Variants in HS3ST4 observed in about 807,000 individuals in gnomAD.
The protein encoded by HS3ST4 is heparan sulfate glucosamine 3-O-sulfotransferase 4.
Under a neutral mutation model 29.2 loss-of-function variants are expected in HS3ST4, and 17 were observed. That is an observed-to-expected ratio of 0.58 (90% CI 0.40 to 0.87). HS3ST4 has a LOEUF of 0.87. Among genes scored for constraint, HS3ST4 ranks in the 40% least tolerant of loss-of-function variants. The pLI, the probability that HS3ST4 is intolerant of heterozygous loss-of-function variation, is 0.00. For missense variants in HS3ST4, 627 were observed against 634.5 expected (o/e 0.99, Z 0.13); for synonymous variants, 314 against 285.7 (o/e 1.10, Z -1.00).
chr16:26,109,718 G>GT (rs56102785), intron 1 of HS3ST4, among the ~76,000 whole-genome samples: 8,652 of 147,156 alleles, frequency 0.059, 281 homozygotes, highest in Middle Eastern at 0.099. Flanking sequence ...TATACTCACT[G>GT]TTTTTTTTTT....
At chr16:25,964,431 T>C (rs1968823868) in intron 1 of HS3ST4, among the ~76,000 whole-genome samples, 1 of 152,174 alleles carries the variant, frequency 6.6e-6, no homozygotes, top group Admixed American at 6.5e-5. Context: ...AACCCTCTCA[T>C]CATGAAAGTG....
intron 1 of HS3ST4, among the ~76,000 whole-genome samples, chr16:26,047,560 G>A (rs1898285609): frequency 6.6e-6 from 1 of 152,094 alleles, no homozygotes; most frequent in Admixed American, 6.5e-5. Context: ...TGCTTTCCAG[G>A]TGAGAAGATG....
At chr16:25,849,531 G>T (rs751437901) in intron 1 of HS3ST4, among the ~76,000 whole-genome samples, 2 of 151,882 alleles carry the variant, frequency 1.3e-5, no homozygotes, top group Admixed American at 1.3e-4. Context: ...ACAGGGGCTC[G>T]GTCTATCACC....
At position 26,135,628 on chromosome 16, in the gene HS3ST4, A is replaced by G; in HGVS notation, c.751A>G (p.Thr251Ala). The stretch of plus-strand genomic sequence containing the variant: ...CTCTCCTAGAAATGTGATGCCCAAG[A>G]CTTTGGATGGGCAAATAACCATGGA... ...LEWYRNVMPK[T>A]LDGQITMEKT... The change falls in exon 2 of 2, where the codon ACT becomes GCT. Residue 251 changes from threonine (T) to alanine (A), a missense_variant. Coordinates refer to ENST00000331351, the MANE Select transcript of HS3ST4 (RefSeq NM_006040.3). 1.9e-6 allele frequency: 3 copies of G among 1,604,570 alleles called. No homozygotes were observed. Among genetic ancestry groups the G allele is most frequent in the Non-Finnish European group, 2.6e-6 (3 of 1,175,498 alleles).
chr16:26,046,308 G>A (rs903225801), intron 1 of HS3ST4, among the ~76,000 whole-genome samples: 11 of 152,022 alleles, frequency 7.2e-5, no homozygotes, highest in Non-Finnish European at 1.2e-4. Context: ...TTGCCACCAC[G>A]CCCAGCTAAT....
At chr16:25,766,598 C>G (rs1966820564) in intron 1 of HS3ST4, among the ~76,000 whole-genome samples, 1 of 152,176 alleles carries the variant, frequency 6.6e-6, no homozygotes. Context: ...TGTGTGCACA[C>G]ACATCATTTT....
chr16:25,992,802 G>A (rs879447103), intron 1 of HS3ST4, among the ~76,000 whole-genome samples: 5 of 152,194 alleles, frequency 3.3e-5, no homozygotes, highest in Admixed American at 1.3e-4. Context: ...ATAAATTCGA[G>A]GCTGTGAGGA....
At chr16:25,789,058 C>T (rs758404810) in intron 1 of HS3ST4, among the ~76,000 whole-genome samples, 32 of 152,076 alleles carry the variant, frequency 2.1e-4, no homozygotes, top group Non-Finnish European at 4.6e-4. Flanking sequence ...ATAGAATGCT[C>T]TGATTGATCA....
rs145703346 is a variant in HS3ST4, at chr16:25,698,838, G to T, written c.734+5687G>T. ...TAAACCGAAGGTCACACAACTTCAG[G>T]GCTCAGACAGGTCGTATAAATGAGC... On this transcript the variant is annotated intron_variant, in intron 1 of 1. Coordinates refer to ENST00000331351, the MANE Select transcript of HS3ST4 (RefSeq NM_006040.3). Among the ~76,000 whole-genome samples the T allele has an allele frequency of 5.2e-3, 786 of 152,222 alleles. 6 individuals carry two copies. The highest frequency in any genetic ancestry group is 0.01 in the Middle Eastern group (3 of 294).
intron 1 of HS3ST4, among the ~76,000 whole-genome samples, chr16:26,012,673 C>T (rs539091469): frequency 1.3e-5 from 2 of 152,288 alleles, no homozygotes; most frequent in East Asian, 1.9e-4. Context: ...GTCTCTACCC[C>T]CACATTTCAG....
chr16:26,056,607 T>C (rs1898411731), intron 1 of HS3ST4, among the ~76,000 whole-genome samples: 10 of 152,244 alleles, frequency 6.6e-5, no homozygotes, highest in Admixed American at 6.5e-4. Flanking sequence ...CTTTACCTAA[T>C]GTGTGCACAC....
At chr16:25,745,144 GA>G (rs1349218627) in intron 1 of HS3ST4, among the ~76,000 whole-genome samples, 3 of 152,136 alleles carry the variant, frequency 2.0e-5, no homozygotes, top group Admixed American at 2.0e-4. Context: ...AGAGGGCCTG[GA>G]AAAGATAGTC....
At chr16:25,836,598 C>T (rs1047839778) in intron 1 of HS3ST4, among the ~76,000 whole-genome samples, 2 of 152,076 alleles carry the variant, frequency 1.3e-5, no homozygotes, top group Non-Finnish European at 2.9e-5. Flanking sequence ...ATAAATCCAC[C>T]CGTTTGACAA....
At chr16:25,915,730 G>T (rs1968287294) in intron 1 of HS3ST4, among the ~76,000 whole-genome samples, 1 of 152,198 alleles carries the variant, frequency 6.6e-6, no homozygotes, top group Non-Finnish European at 1.5e-5. Flanking sequence ...GAATGAGCAA[G>T]AAAGCTTACA....
chr16:26,029,154 T>C (rs1039031011), intron 1 of HS3ST4: 5 of 152,224 alleles, frequency 3.3e-5, no homozygotes, highest in African/African-American at 1.2e-4. Flanking sequence ...ACAGAGTTTT[T>C]GTAACTGGAA....
intron 1 of HS3ST4, among the ~76,000 whole-genome samples, chr16:25,821,242 A>G (rs1242179231): frequency 6.6e-6 from 1 of 151,834 alleles, no homozygotes; most frequent in Non-Finnish European, 1.5e-5. Flanking sequence ...TATTTTTAGT[A>G]GAGACGGGGT....
Position 25,976,609 on chromosome 16 carries a change from C to T in HS3ST4, c.735-159003C>T, listed in dbSNP as rs966344808. Among the ~76,000 whole-genome samples the T allele has an allele frequency of 2.6e-5, 4 of 152,188 alleles. No homozygotes were observed. The East Asian group carries it at 7.7e-4, about 29-fold the overall frequency. On this transcript the variant is annotated intron_variant, in intron 1 of 1. Coordinates refer to ENST00000331351, the MANE Select transcript of HS3ST4 (RefSeq NM_006040.3). ...GCATGCAATGTCTGGAATAGAGTGA[C>T]AGCTTCTATCCACAGCTCTGCTGCA...
At chr16:25,830,387 A>G (rs1376942855) in intron 1 of HS3ST4, among the ~76,000 whole-genome samples, 1 of 152,198 alleles carries the variant, frequency 6.6e-6, no homozygotes, top group Non-Finnish European at 1.5e-5. Context: ...GAAGAATCAT[A>G]CGATGTGTCC....
At chr16:25,993,110 C>T (rs1159827296) in intron 1 of HS3ST4, among the ~76,000 whole-genome samples, 1 of 152,100 alleles carries the variant, frequency 6.6e-6, no homozygotes, top group African/African-American at 2.4e-5. Context: ...CAGACCAAAG[C>T]CCCACAATCT....
Sources: gnomAD v4.1 joint callset for allele counts (sites outside exome capture counted in the v4.1 genomes callset) on GRCh38, gnomAD v4.1.1 for gene constraint, MANE v1.5 for transcripts, NCBI Gene and HGNC (gene_info 2026-07-23, HGNC 2026-07-21) for gene names.